The following THRB variants were observed in gnomAD, a reference collection of about 807,000 sequenced individuals.
The protein encoded by THRB is thyroid hormone receptor beta.
THRB carries 12 observed loss-of-function variants against 47.8 expected under a neutral mutation model. That is an observed-to-expected ratio of 0.25 (90% CI 0.16 to 0.41). THRB has a LOEUF of 0.41. THRB is among the 10% of genes least tolerant of loss of function. THRB has a pLI of 1.00. For synonymous variants in THRB, 218 were observed against 212.2 expected, an observed-to-expected ratio of 1.03 and a Z score of -0.24; for missense variants, 348 against 589.2, an observed-to-expected ratio of 0.59 and a Z score of 4.24.
At chr3:24,143,170 A>G (rs1364512714) in intron 8 of THRB, among the ~76,000 whole-genome samples, 1 of 152,248 alleles carries the variant, frequency 6.6e-6, no homozygotes, top group Non-Finnish European at 1.5e-5. Flanking sequence ...AAATGGGTAT[A>G]GAAAGTAAAA....
intron 8 of THRB, among the ~76,000 whole-genome samples, 173 bp downstream of exon 8, chr3:24,143,328 C>G (rs551542024): frequency 2.0e-4 from 31 of 152,296 alleles, no homozygotes; most frequent in African/African-American, 7.2e-4. Flanking sequence ...TATTCTCACA[C>G]AGACCTAGAC....
intron 5 of THRB, among the ~76,000 whole-genome samples, chr3:24,175,212 T>TTAAG (rs555646788): frequency 1.9e-4 from 29 of 152,312 alleles, no homozygotes; most frequent in Non-Finnish European, 3.8e-4. Flanking sequence ...TTTGTTCCAT[T>TTAAG]TAAGTTTTCA....
chr3:24,468,086 T>C (rs1159155264), intron 1 of THRB, among the ~76,000 whole-genome samples: 1 of 152,242 alleles, frequency 6.6e-6, no homozygotes, highest in African/African-American at 2.4e-5. Flanking sequence ...CTTGTACTTT[T>C]ATGTTATGGA....
intron 5 of THRB, among the ~76,000 whole-genome samples, chr3:24,173,366 T>G (rs578041787): frequency 1.6e-4 from 24 of 152,206 alleles, no homozygotes; most frequent in Non-Finnish European, 3.1e-4. Context: ...TAAAATGTTT[T>G]AGGCCTAATT....
chr3:24,380,248 T>C (rs1053017997), intron 1 of THRB, among the ~76,000 whole-genome samples: 10 of 151,212 alleles, frequency 6.6e-5, no homozygotes, highest in African/African-American at 2.4e-4. Flanking sequence ...ACATAAAGTG[T>C]AAGCTTCCTG....
chr3:24,350,746 G>C (rs2063312858), intron 1 of THRB, among the ~76,000 whole-genome samples: 2 of 152,130 alleles, frequency 1.3e-5, no homozygotes, highest in South Asian at 4.1e-4. Flanking sequence ...GATTTGTTTT[G>C]TGAAAATTTG....
intron 1 of THRB, among the ~76,000 whole-genome samples, chr3:24,488,197 T>C (rs1156573798): frequency 6.6e-5 from 10 of 152,220 alleles, no homozygotes; most frequent in Non-Finnish European, 1.5e-5. Flanking sequence ...TTAATAAACT[T>C]GTCACTCATG....
At chr3:24,251,102 A>G (rs1029606160) in intron 3 of THRB, among the ~76,000 whole-genome samples, 1 of 152,068 alleles carries the variant, frequency 6.6e-6, no homozygotes, top group Admixed American at 6.6e-5. Context: ...CTCCTAAACA[A>G]CTCTTTGTCA....
chr3:24,284,090 C>T (rs2054948372), intron 3 of THRB, among the ~76,000 whole-genome samples: 1 of 143,874 alleles, frequency 7.0e-6, no homozygotes, highest in African/African-American at 2.6e-5. Flanking sequence ...CTTTAAAGTT[C>T]ATATGGAACC....
At chr3:24,326,936 T>C (rs761163469) in intron 2 of THRB, among the ~76,000 whole-genome samples, 13 of 151,824 alleles carry the variant, frequency 8.6e-5, no homozygotes, top group Non-Finnish European at 1.9e-4. Flanking sequence ...AGCTAATTTT[T>C]GTATTTGTAG....
At chr3:24,370,860 A>C (rs1505288) in intron 1 of THRB, among the ~76,000 whole-genome samples, 1 of 152,176 alleles carries the variant, frequency 6.6e-6, no homozygotes, top group Non-Finnish European at 1.5e-5. Context: ...CAAGATCCCA[A>C]CTGAAGTCGT....
At chr3:24,484,849 A>G (rs372904075) in intron 1 of THRB, among the ~76,000 whole-genome samples, 9 of 152,256 alleles carry the variant, frequency 5.9e-5, no homozygotes, top group African/African-American at 2.2e-4. Flanking sequence ...GGAATTATCT[A>G]ATATACCTAC....
At chr3:24,230,462 T>C (rs2048140344) in intron 3 of THRB, among the ~76,000 whole-genome samples, 1 of 152,188 alleles carries the variant, frequency 6.6e-6, no homozygotes. Flanking sequence ...AGGATGAGTA[T>C]TCACTGCTAG....
chr3:24,229,177 A>T (rs916063906), intron 3 of THRB, among the ~76,000 whole-genome samples, 176 bp from the exon 4 acceptor site: 19 of 152,240 alleles, frequency 1.2e-4, no homozygotes, highest in Middle Eastern at 3.4e-3. Flanking sequence ...AATTTGTAAG[A>T]CCTCTTAATT....
chr3:24,325,372 T>C (rs1278178110), intron 2 of THRB, among the ~76,000 whole-genome samples: 1 of 152,172 alleles, frequency 6.6e-6, no homozygotes. Context: ...TCACTCTCAA[T>C]TAATTGCAAA....
At position 24,122,548 on chromosome 3, in the gene THRB, C is replaced by A. The variant is rs2031883133; in HGVS notation, c.*336G>T. 1.0e-5 allele frequency: 4 copies of A among 387,676 alleles called. No homozygotes were observed. Among genetic ancestry groups the A allele is most frequent in the South Asian group, 9.2e-5 (4 of 43,540 alleles). The allele number at this position is 387,676 out of a possible 1,614,324, so 24.0% of individuals were successfully genotyped here. ...CTTGGTTTTAAGGCTTCTTTAGTGTCCTGTGGCGCCATTTTGCTGACTCAA... is the reference window on the plus strand; with the variant it reads ...CTTGGTTTTAAGGCTTCTTTAGTGTACTGTGGCGCCATTTTGCTGACTCAA... On this transcript the variant is annotated 3_prime_UTR_variant, in exon 11 of 11. Transcript: ENST00000646209.
chr3:24,377,054 C>T (rs2065347170), intron 1 of THRB, among the ~76,000 whole-genome samples: 2 of 152,126 alleles, frequency 1.3e-5, no homozygotes, highest in Admixed American at 1.3e-4. Flanking sequence ...CCTCTCCCCT[C>T]AGCCTCCCAG....
intron 7 of THRB, 109 bp downstream of exon 7, chr3:24,146,564 TTC>T: frequency 8.6e-7 from 1 of 1,163,280 alleles, no homozygotes; most frequent in African/African-American, 1.5e-5. Context: ...AGGTATTCCC[TTC>T]TCTGTCTTCT....
chr3:24,309,218 A>G (rs941664227), intron 2 of THRB, among the ~76,000 whole-genome samples: 7 of 152,224 alleles, frequency 4.6e-5, no homozygotes, highest in African/African-American at 1.7e-4. Flanking sequence ...TTCAAACTTT[A>G]TAAGTTGATA....
Sources: allele counts gnomAD v4.1 joint callset (sites outside exome capture counted in the v4.1 genomes callset), GRCh38; gene constraint gnomAD v4.1.1; transcripts MANE v1.5; gene names NCBI Gene and HGNC (gene_info 2026-07-23, HGNC 2026-07-21).